ATP5PB: variants seen among roughly 807,000 people sequenced by gnomAD.
The protein encoded by ATP5PB is ATP synthase peripheral stalk-membrane subunit b.
Under a neutral mutation model 34.5 loss-of-function variants are expected in ATP5PB, and 21 were observed. The observed-to-expected ratio is 0.61, with a 90% CI of 0.43 to 0.88. ATP5PB has a LOEUF of 0.88. ATP5PB is among the 40% of genes least tolerant of loss of function. ATP5PB has a pLI of 0.00. For missense variants in ATP5PB, 293 were observed against 317.4 expected, an observed-to-expected ratio of 0.92 and a Z score of 0.58; for synonymous variants, 108 against 114.1, an observed-to-expected ratio of 0.95 and a Z score of 0.34.
intron 2 of ATP5PB, 52 bp from the exon 3 acceptor site, chr1:111,454,159 T>G (rs1397035069): frequency 2.7e-5 from 40 of 1,482,874 alleles, no homozygotes; most frequent in Non-Finnish European, 3.3e-5. Context: ...ATTCATACAC[T>G]GTATTCTCCT....
At chr1:111,455,231 C>T (rs1393682623) in intron 3 of ATP5PB, among the ~76,000 whole-genome samples, 2 of 151,906 alleles carry the variant, frequency 1.3e-5, no homozygotes, top group Non-Finnish European at 1.5e-5. Context: ...TCTCCTCAGA[C>T]GTCCATAGGT....
Position 111,461,430 on chromosome 1 carries a change from A to C in ATP5PB, c.*436A>C, listed in dbSNP as rs1433645624. 6.0e-6 allele frequency: 1 copy of C among 167,710 alleles called. No homozygotes were observed. Among genetic ancestry groups the C allele is most frequent in the Non-Finnish European group, 1.3e-5 (1 of 77,200 alleles). 10.4% of individuals were successfully genotyped at this position (167,710 alleles called of 1,614,324 possible). A position where few individuals can be genotyped will look rare whatever the true frequency, so the allele number is the denominator to read the frequency against. ...GAACTACTGTCTTGTTTATGAGACC[A>C]TTCAGTGGTGAACTGTTTCTGGCTG... On this transcript the variant is annotated 3_prime_UTR_variant, in exon 7 of 7. Coordinates refer to ENST00000369722, the MANE Select transcript of ATP5PB (RefSeq NM_001688.5).
At chr1:111,455,022 G>T (rs186125382) in intron 3 of ATP5PB, among the ~76,000 whole-genome samples, 1 of 152,236 alleles carries the variant, frequency 6.6e-6, no homozygotes, top group Admixed American at 6.5e-5. Context: ...AATGAAAAGG[G>T]TACGAATAAA....
chr1:111,455,696 A>G (rs1297807657), intron 3 of ATP5PB, among the ~76,000 whole-genome samples: 1 of 152,214 alleles, frequency 6.6e-6, no homozygotes, highest in Non-Finnish European at 1.5e-5. Context: ...GATAAATAGT[A>G]TATTTTGCTG....
Position 111,454,204 on chromosome 1 carries a change from C to A in ATP5PB, c.78-7C>A, listed in dbSNP as rs778116858. 1.9e-6 allele frequency: 3 copies of A among 1,570,078 alleles called. No homozygotes were observed. Among genetic ancestry groups the A allele is most frequent in the Admixed American group, 2.0e-5 (1 of 49,148 alleles). ...AGGCTTTACATTTGTACAATTACTA[C>A]CTGTAGGGTATTGCAGGCAACAAGG... On this transcript the variant is annotated splice_polypyrimidine_tract_variant and splice_region_variant and intron_variant, in intron 2 of 6. Transcript: ENST00000369722.
intron 5 of ATP5PB, among the ~76,000 whole-genome samples, chr1:111,458,905 C>T (rs1445095335): frequency 2.6e-5 from 4 of 152,048 alleles, no homozygotes; most frequent in Non-Finnish European, 4.4e-5. Context: ...AATAACTATG[C>T]CATGGTTTGG....
intron 5 of ATP5PB, among the ~76,000 whole-genome samples, chr1:111,458,478 A>G (rs1653530623): frequency 6.6e-6 from 1 of 152,216 alleles, no homozygotes; most frequent in South Asian, 2.1e-4. Flanking sequence ...GGCTGAGGGA[A>G]GAACAGTTGC....
chr1:111,460,777 A>G (rs1291892009), intron 6 of ATP5PB, 140 bp from the exon 7 acceptor site: 2 of 585,078 alleles, frequency 3.4e-6, no homozygotes, highest in Non-Finnish European at 6.1e-6. Context: ...AAACCTGTCT[A>G]GTAGCTGTAT....
chr1:111,454,156 C>G, intron 2 of ATP5PB, 55 bp from the exon 3 acceptor site: 1 of 1,461,652 alleles, frequency 6.8e-7, no homozygotes, highest in East Asian at 2.5e-5. Context: ...ATTATTCATA[C>G]ACTGTATTCT....
In ATP5PB at chr1:111,461,871, A is replaced by G. The variant is rs1212241508; in HGVS notation, c.*877A>G. 3 of 151,482 alleles carry G rather than the reference A, an allele frequency of 2.0e-5. No homozygotes were observed. The highest frequency in any genetic ancestry group is 1.3e-4 in the Admixed American group (2 of 15,172). The allele number at this position is 151,482 out of a possible 1,614,324, so 9.4% of individuals were successfully genotyped here. A position where few individuals can be genotyped will look rare whatever the true frequency, so the allele number is the denominator to read the frequency against. On this transcript the variant is annotated 3_prime_UTR_variant, in exon 7 of 7. Coordinates refer to ENST00000369722, the MANE Select transcript of ATP5PB (RefSeq NM_001688.5). ...AGCTGAGATCACGCCACTGCACTCC[A>G]GCCTGGGCAACAGACCTCGACTCCA...
chr1:111,458,778 T>TA (rs974657017), intron 5 of ATP5PB, among the ~76,000 whole-genome samples: 1 of 152,214 alleles, frequency 6.6e-6, no homozygotes, highest in Non-Finnish European at 1.5e-5. Context: ...AGCTTGGCCT[T>TA]ATGTAGCCTT....
chr1:111,454,824 AT>A (rs1241963110), intron 3 of ATP5PB, among the ~76,000 whole-genome samples: 3 of 152,192 alleles, frequency 2.0e-5, no homozygotes, highest in African/African-American at 7.2e-5. Flanking sequence ...TTTATTTGGG[AT>A]TTTAACTTAA....
rs1396832747 is a variant in ATP5PB at position 111,461,516 on chromosome 1, A to G, written c.*522A>G. 2 of 152,616 alleles carry G rather than the reference A, an allele frequency of 1.3e-5. No homozygotes were observed. Among genetic ancestry groups the G allele is most frequent in the Admixed American group, 6.5e-5 (1 of 15,306 alleles). 9.5% of individuals were successfully genotyped at this position (152,616 alleles called of 1,614,324 possible). On this transcript the variant is annotated 3_prime_UTR_variant, in exon 7 of 7. Coordinates refer to ENST00000369722, the MANE Select transcript of ATP5PB (RefSeq NM_001688.5). ...TTAAAATAACTAAATGGAGTATTATATATCAATTCATATCATTGACTTTAT... is the reference window on the plus strand; with the variant it reads ...TTAAAATAACTAAATGGAGTATTATGTATCAATTCATATCATTGACTTTAT...
At chr1:111,453,307 A>G (rs915804489) in intron 2 of ATP5PB, among the ~76,000 whole-genome samples, 1 of 152,164 alleles carries the variant, frequency 6.6e-6, no homozygotes, top group African/African-American at 2.4e-5. Context: ...GTTCAAGCTC[A>G]GTACTGGCAA....
At chr1:111,460,435 AG>A (rs1274992264) in intron 6 of ATP5PB, among the ~76,000 whole-genome samples, 1 of 146,084 alleles carries the variant, frequency 6.8e-6, no homozygotes, top group East Asian at 1.9e-4. Flanking sequence ...TGTCTATCAA[AG>A]TTTTTTTTTT....
chr1:111,453,381 T>C (rs1653385211), intron 2 of ATP5PB, among the ~76,000 whole-genome samples: 1 of 150,862 alleles, frequency 6.6e-6, no homozygotes, highest in African/African-American at 2.4e-5. Flanking sequence ...TAAAGTATTA[T>C]ATTCAGTTCT....
At position 111,449,854 on chromosome 1, in the gene ATP5PB, G is replaced by A; in HGVS notation, c.58G>A (p.Ala20Thr). The change falls in exon 2 of 7, where the codon GCA (alanine) becomes ACA (threonine). Residue 20 changes from alanine (A) to threonine (T), a missense_variant. Physicochemically the swap from Ala to Thr is moderately conservative, Grantham distance 58 (BLOSUM62 0). Coordinates refer to ENST00000369722, the MANE Select transcript of ATP5PB (RefSeq NM_001688.5). ...ATCTGCAGCCCCCTCTCTGAAGAAT[G>A]CAGCCTTCCTAGGTCCAGGGTAAGT... ...AATAAPSLKN[A>T]AFLGPGVLQA... is the part of the protein sequence containing the mutation. 6.2e-7 allele frequency: 1 copy of A among 1,614,152 alleles called. No individual in the cohort carries two copies. The highest frequency in any genetic ancestry group is 8.5e-7 in the Non-Finnish European group (1 of 1,180,028).
chr1:111,451,503 G>A (rs1211999467), intron 2 of ATP5PB, among the ~76,000 whole-genome samples: 1 of 152,134 alleles, frequency 6.6e-6, no homozygotes, highest in Non-Finnish European at 1.5e-5. Context: ...CTAGAATGTT[G>A]AAGGCTGGAG....
intron 2 of ATP5PB, among the ~76,000 whole-genome samples, chr1:111,451,430 A>G (rs565356391): frequency 1.3e-5 from 2 of 152,158 alleles, no homozygotes; most frequent in East Asian, 1.9e-4. Flanking sequence ...GTTTTTCTCC[A>G]TAGCACTTAG....
Sources: allele counts gnomAD v4.1 joint callset (sites outside exome capture counted in the v4.1 genomes callset), GRCh38; gene constraint gnomAD v4.1.1; transcripts MANE v1.5; gene names NCBI Gene and HGNC (gene_info 2026-07-23, HGNC 2026-07-21).